Variants in RPH3AL observed in about 807,000 individuals in gnomAD.
RPH3AL encodes the protein rabphilin 3A like (without C2 domains), also known as rab effector Noc2.
A neutral mutation model predicts 43.1 loss-of-function variants in RPH3AL; 38 were observed. The observed-to-expected ratio is 0.88, with a 90% CI of 0.68 to 1.15. The LOEUF is 1.15. Ranked by LOEUF, RPH3AL falls within the 50% of genes most tolerant of loss-of-function variation. The pLI is 0.00. For missense variants in RPH3AL, 462 were observed against 423.2 expected, an observed-to-expected ratio of 1.09 and a Z score of -0.81; for synonymous variants, 189 against 176.3, an observed-to-expected ratio of 1.07 and a Z score of -0.57.
At chr17:271,770 T>C (rs543998870) in intron 6 of RPH3AL, among the ~76,000 whole-genome samples, 1 of 152,340 alleles carries the variant, frequency 6.6e-6, no homozygotes. Context: ...TTCTTTCTCC[T>C]GCCTGATTGC....
intron 7 of RPH3AL, among the ~76,000 whole-genome samples, chr17:226,548 G>A (rs569702921): frequency 7.7e-4 from 117 of 152,274 alleles, no homozygotes; most frequent in East Asian, 2.9e-3. Context: ...AGCAGTGCCC[G>A]CACCAGCCTT....
chr17:249,692 A>AAT (rs1555541521), intron 6 of RPH3AL, among the ~76,000 whole-genome samples: 1 of 151,710 alleles, frequency 6.6e-6, no homozygotes. Context: ...AAAAAAAAAA[A>AAT]GGTTTCTAAT....
intron 6 of RPH3AL, among the ~76,000 whole-genome samples, chr17:276,423 C>T (rs1313380505): frequency 6.6e-6 from 1 of 152,130 alleles, no homozygotes; most frequent in Non-Finnish European, 1.5e-5. Flanking sequence ...CCTCAGTGAG[C>T]CTTTCTCACT....
At position 344,072 on chromosome 17, in the gene RPH3AL, G is replaced by A. The variant is rs774368293; in HGVS notation, c.-213+8640C>T. 1.8e-4 allele frequency among the ~76,000 whole-genome samples: 16 copies of A among 88,388 alleles called. 3 individuals carry two copies. Among genetic ancestry groups the A allele is most frequent in the South Asian group, 1.5e-3 (4 of 2,702 alleles). 58.0% of individuals were successfully genotyped at this position (88,388 alleles called of 152,430 possible). On this transcript the variant is annotated intron_variant, in intron 1 of 9. Coordinates refer to ENST00000331302, the MANE Select transcript of RPH3AL (RefSeq NM_006987.4). Reference sequence around the variant, plus strand: ...CATCATCGTCACCACTGTCATCATCGTCATCACTATCACCATCATTGTCAC... The same window carrying A: ...CATCATCGTCACCACTGTCATCATCATCATCACTATCACCATCATTGTCAC...
intron 5 of RPH3AL, among the ~76,000 whole-genome samples, chr17:304,381 C>T (rs1245239276): frequency 2.6e-5 from 4 of 151,984 alleles, no homozygotes; most frequent in Non-Finnish European, 5.9e-5. Flanking sequence ...AGGCAGAATC[C>T]AGCGTTCTAA....
chr17:333,447 C>A lies in RPH3AL; in HGVS notation c.-37+312G>T. The A allele has an allele frequency of 6.3e-6, 3 of 478,828 alleles. No individual in the cohort carries two copies. The highest frequency in any genetic ancestry group is 2.0e-5 in the African/African-American group (1 of 49,222). The allele number at this position is 478,828 out of a possible 1,614,324, so 29.7% of individuals were successfully genotyped here. On this transcript the variant is annotated intron_variant, in intron 2 of 9. Transcript: ENST00000331302. This position sits in a 1 kb window ranked among gnomAD's most constrained non-coding sequence, Gnocchi z 4.5. ...AATAAAATTGGGTTCTTACTGCATA[C>A]GCTGCTTGCTGGTTTCTAAATAAAA...
Position 219,740 on chromosome 17 carries a change from G to A in RPH3AL, c.614-4C>T, listed in dbSNP as rs2040909912. The A allele has an allele frequency of 1.2e-6, 2 of 1,607,644 alleles. No individual in the cohort carries two copies. Among genetic ancestry groups the A allele is most frequent in the Non-Finnish European group, 1.7e-6 (2 of 1,174,490 alleles). ...CTGTCACTGTCACTGGAAACCACTG[G>A]AAGAGACAGACCACAGCACAGGAGG... On this transcript the variant is annotated splice_polypyrimidine_tract_variant and splice_region_variant and intron_variant, in intron 7 of 9. Transcript: ENST00000331302.
Position 290,572 on chromosome 17 carries a change from G to GT in RPH3AL, c.352-8719dup, listed in dbSNP as rs1217638564. Among the ~76,000 whole-genome samples the GT allele has an allele frequency of 6.6e-6, 1 of 152,046 alleles. No individual in the cohort carries two copies. Among genetic ancestry groups the GT allele is most frequent in the Admixed American group, 6.5e-5 (1 of 15,272 alleles). On this transcript the variant is annotated intron_variant, in intron 5 of 9. Coordinates refer to ENST00000331302, the MANE Select transcript of RPH3AL (RefSeq NM_006987.4). The surrounding 1 kb of genome is among the most constrained non-coding windows in gnomAD (Gnocchi z 4.2). ...ACATTTCTGCTTCCTGCGACTCCCC[G>GT]TCCCACCCCTTCTCCTTCCCAGATG...
At chr17:249,042 C>A (rs938455512) in intron 6 of RPH3AL, among the ~76,000 whole-genome samples, 3 of 152,150 alleles carry the variant, frequency 2.0e-5, no homozygotes, top group Non-Finnish European at 2.9e-5. Context: ...GAAAGGACCG[C>A]CTCTTGGAGA....
Position 227,813 on chromosome 17 carries a change from A to T in RPH3AL, c.614-8077T>A, listed in dbSNP as rs538274431. On this transcript the variant is annotated intron_variant, in intron 7 of 9. Transcript: ENST00000331302. ...AATTATGGGAATTATAGAGGAAGAG[A>T]GATATTTTCAGCAAACATTCTGCCA... is the stretch of plus-strand genomic sequence containing the variant. 1.4e-3 allele frequency among the ~76,000 whole-genome samples: 212 copies of T among 152,304 alleles called. 2 individuals are homozygous for T. Among genetic ancestry groups the T allele is most frequent in the Admixed American group, 3.7e-3 (56 of 15,294 alleles).
chr17:270,458 C>T (rs922222561), intron 6 of RPH3AL, among the ~76,000 whole-genome samples: 2 of 152,170 alleles, frequency 1.3e-5, no homozygotes, highest in Non-Finnish European at 2.9e-5. Context: ...CCTGACCTTC[C>T]GTAGGCCTGT....
intron 6 of RPH3AL, among the ~76,000 whole-genome samples, chr17:249,631 C>G (rs1555541493): frequency 6.6e-6 from 1 of 151,794 alleles, no homozygotes; most frequent in Non-Finnish European, 1.5e-5. Flanking sequence ...CCGCAAACTT[C>G]CTCTGCATCA....
rs544659405 is a variant in RPH3AL at position 328,056 on chromosome 17, A to T, written c.-36-477T>A. 6.6e-6 allele frequency among the ~76,000 whole-genome samples: 1 copy of T among 152,184 alleles called. No individual in the cohort carries two copies. Among genetic ancestry groups the T allele is most frequent in the East Asian group, 1.9e-4 (1 of 5,170 alleles). On this transcript the variant is annotated intron_variant, in intron 2 of 9. Transcript: ENST00000331302. This position sits in a 1 kb window ranked among gnomAD's most constrained non-coding sequence, Gnocchi z 4.2. ...TGGGGACCTGGCTCTCCTTCCCAAC[A>T]GACTCACACCGATGATCACAATGCC...
rs113478803 is a variant in RPH3AL at position 327,564 on chromosome 17, G to C, written c.-21C>G. ...GCCATGGCTCGGAGCACCCGGCTGG[G>C]GGTGGGGAGTCACATCTGAGATGAA... On this transcript the variant is annotated 5_prime_UTR_variant, in exon 3 of 10. Coordinates refer to ENST00000331302, the MANE Select transcript of RPH3AL (RefSeq NM_006987.4). The C allele has an allele frequency of 0.034, 54,861 of 1,612,050 alleles. 1,087 individuals carry two copies. Among genetic ancestry groups the C allele is most frequent in the South Asian group, 0.076 (6,887 of 91,034 alleles).
chr17:306,617 T>C (rs2043494492), intron 5 of RPH3AL: 1 of 152,206 alleles, frequency 6.6e-6, no homozygotes, highest in Non-Finnish European at 1.5e-5. Flanking sequence ...AATTGGATAA[T>C]TAGTATCCAC....
chr17:268,698 C>A (rs1025016989), intron 6 of RPH3AL, among the ~76,000 whole-genome samples: 1 of 150,548 alleles, frequency 6.6e-6, no homozygotes, highest in African/African-American at 2.4e-5. Context: ...GTAGCTGGGG[C>A]CACTAGACAT....
chr17:310,931 C>T lies in RPH3AL; in HGVS notation c.351+8489G>A, dbSNP rs2043629847. On this transcript the variant is annotated intron_variant, in intron 5 of 9. Coordinates refer to ENST00000331302, the MANE Select transcript of RPH3AL (RefSeq NM_006987.4). The stretch of plus-strand genomic sequence containing the variant: ...CCCTACAGCAGGGCCCCCAGGGGGG[C>T]AGTGCCTCTGCGATCATCTCCCTGG... Among the ~76,000 whole-genome samples the T allele has an allele frequency of 2.6e-5, 4 of 152,182 alleles. No homozygotes were observed. The South Asian group carries it at 8.3e-4, about 31-fold the overall frequency.
intron 5 of RPH3AL, among the ~76,000 whole-genome samples, chr17:301,791 T>C (rs1446098367): frequency 1.3e-5 from 2 of 152,124 alleles, no homozygotes; most frequent in African/African-American, 4.8e-5. Context: ...GTAGGCAAAG[T>C]TCTGACCCGA....
chr17:278,599 G>A (rs544513822), intron 6 of RPH3AL, among the ~76,000 whole-genome samples: 8 of 152,116 alleles, frequency 5.3e-5, no homozygotes, highest in Admixed American at 2.6e-4. Context: ...TCATTTTGTC[G>A]GTGGGCCCCT....
Sources: gnomAD v4.1 joint callset for allele counts (sites outside exome capture counted in the v4.1 genomes callset) on GRCh38, gnomAD v4.1.1 for gene constraint, Gnocchi (gnomAD v3.1) non-coding constraint, MANE v1.5 for transcripts, NCBI Gene and HGNC (gene_info 2026-07-23, HGNC 2026-07-21) for gene names.